The following PRKN variants were observed in gnomAD, a reference collection of about 807,000 sequenced individuals.
PRKN encodes the protein parkin RBR E3 ubiquitin protein ligase, also known as E3 ubiquitin-protein ligase parkin.
PRKN carries 56 observed loss-of-function variants against 59.5 expected under a neutral mutation model. The observed-to-expected ratio is 0.94, with a 90% CI of 0.76 to 1.18. The LOEUF (loss-of-function observed/expected upper bound fraction) is 1.18, where lower values mean the gene tolerates loss of function less well. Ranked by LOEUF, PRKN falls within the 50% of genes most tolerant of loss-of-function variation. The probability of loss-of-function intolerance (pLI) is 0.00; values close to 1 mark genes in which losing one functional copy is unlikely to be tolerated. For synonymous variants in PRKN, 250 were observed against 222.1 expected, an observed-to-expected ratio of 1.13 and a Z score of -1.12; for missense variants, 657 against 596.4, an observed-to-expected ratio of 1.10 and a Z score of -1.06.
chr6:161,988,244 T>C (rs951900853), intron 5 of PRKN, among the ~76,000 whole-genome samples: 4 of 152,264 alleles, frequency 2.6e-5, no homozygotes, highest in African/African-American at 9.6e-5. Context: ...GCCAGCACTT[T>C]GGGAGGCCGA....
chr6:162,677,141 T>TA (rs1779583322), intron 1 of PRKN, among the ~76,000 whole-genome samples: 1 of 147,378 alleles, frequency 6.8e-6, no homozygotes. Context: ...CTGGAGAACT[T>TA]AAAGACAACC....
At chr6:162,345,202 CT>C (rs1218136545) in intron 2 of PRKN, among the ~76,000 whole-genome samples, 7 of 152,174 alleles carry the variant, frequency 4.6e-5, no homozygotes, top group Non-Finnish European at 7.3e-5. Flanking sequence ...CTGTTCACTA[CT>C]GAGAAAACAT....
chr6:161,854,456 C>T (rs1424811972), intron 6 of PRKN, among the ~76,000 whole-genome samples: 1 of 152,052 alleles, frequency 6.6e-6, no homozygotes, highest in African/African-American at 2.4e-5. Context: ...TTTTTTCTGT[C>T]TATTCAACCC....
At chr6:162,008,926 A>G (rs1782369991) in intron 5 of PRKN, among the ~76,000 whole-genome samples, 1 of 151,160 alleles carries the variant, frequency 6.6e-6, no homozygotes, top group African/African-American at 2.5e-5. Context: ...ATGTGGGTTC[A>G]GGAGCAAAAT....
chr6:162,267,652 A>C (rs1780199255), intron 2 of PRKN, among the ~76,000 whole-genome samples: 2 of 152,188 alleles, frequency 1.3e-5, no homozygotes. Context: ...TTCAGTGTAG[A>C]CAAACCAAGT....
In PRKN at chr6:161,448,736, T is replaced by G. The variant is rs1480426126; in HGVS notation, c.1084-61859A>C. Among the ~76,000 whole-genome samples, 1 of 152,226 alleles carries G rather than the reference T, an allele frequency of 6.6e-6. No individual in the cohort carries two copies. The highest frequency in any genetic ancestry group is 1.5e-5 in the Non-Finnish European group (1 of 68,044). ...CATCTCTGGCTGGAAAGGCACTCCC[T>G]GCAGATCTGGGAAGCCATGAGCCAC... is the stretch of plus-strand genomic sequence containing the variant. On this transcript the variant is annotated intron_variant, in intron 9 of 11. Transcript: ENST00000366898. This position sits in a 1 kb window ranked among gnomAD's most constrained non-coding sequence, Gnocchi z 5.1.
At chr6:162,151,382 G>A (rs1782263403) in intron 4 of PRKN, among the ~76,000 whole-genome samples, 1 of 152,170 alleles carries the variant, frequency 6.6e-6, no homozygotes. Flanking sequence ...AGAAACATAT[G>A]ATTTAAACAT....
chr6:161,358,788 C>CTTTTTTT (rs34428983), intron 11 of PRKN, among the ~76,000 whole-genome samples: 36 of 67,820 alleles, frequency 5.3e-4, no homozygotes, highest in South Asian at 7.4e-4. Context: ...GCCTTCTGCT[C>CTTTTTTT]TTTTTTTTTT....
At chr6:162,454,203 AAATTATTGT>A (rs1296498194) in intron 1 of PRKN, among the ~76,000 whole-genome samples, 2 of 152,204 alleles carry the variant, frequency 1.3e-5, no homozygotes, top group Non-Finnish European at 2.9e-5. Context: ...TATAGTGTAA[AAATTATTGT>A]AATTATCACG....
chr6:161,392,520 T>G (rs1445946174), intron 9 of PRKN, among the ~76,000 whole-genome samples: 3 of 151,902 alleles, frequency 2.0e-5, no homozygotes, highest in Admixed American at 2.0e-4. Context: ...TCTCTCTCTC[T>G]CTCTCTCTCT....
chr6:161,637,331 C>T (rs1490502954), intron 7 of PRKN, among the ~76,000 whole-genome samples: 1 of 151,726 alleles, frequency 6.6e-6, no homozygotes, highest in Non-Finnish European at 1.5e-5. Flanking sequence ...CATTTCATTA[C>T]CATAAATAAA....
At chr6:162,230,388 C>T (rs963992397) in intron 3 of PRKN, among the ~76,000 whole-genome samples, 1 of 152,188 alleles carries the variant, frequency 6.6e-6, no homozygotes, top group African/African-American at 2.4e-5. Flanking sequence ...AAGAAGCACA[C>T]CCTCTTTGAA....
chr6:161,528,066 T>C (rs548303127), intron 9 of PRKN, among the ~76,000 whole-genome samples: 1 of 152,306 alleles, frequency 6.6e-6, no homozygotes, highest in Admixed American at 6.5e-5. Context: ...ACTTAACATA[T>C]ATTTGTGGGA....
intron 7 of PRKN, among the ~76,000 whole-genome samples, chr6:161,693,106 TAAAA>T (rs751499159): frequency 6.6e-6 from 1 of 152,006 alleles, no homozygotes; most frequent in East Asian, 1.9e-4. Context: ...TCTTTAGAAT[TAAAA>T]AAACACATAA....
chr6:162,205,920 A>G (rs956193119), intron 3 of PRKN, among the ~76,000 whole-genome samples: 2 of 152,176 alleles, frequency 1.3e-5, no homozygotes, highest in African/African-American at 4.8e-5. Flanking sequence ...AGAAGAGAAT[A>G]AAAACCACTG....
At chr6:162,405,865 T>C (rs1168609122) in intron 2 of PRKN, among the ~76,000 whole-genome samples, 2 of 152,068 alleles carry the variant, frequency 1.3e-5, no homozygotes, top group Non-Finnish European at 2.9e-5. Context: ...ACTCCAGACC[T>C]GGGAGAACAT....
At chr6:162,382,265 T>G (rs1033177420) in intron 2 of PRKN, among the ~76,000 whole-genome samples, 2 of 152,038 alleles carry the variant, frequency 1.3e-5, no homozygotes, top group Non-Finnish European at 2.9e-5. Context: ...AAGCAACTGT[T>G]AACTAGAAAT....
rs183675018 is a variant in PRKN at position 161,385,242 on chromosome 6, T to C, written c.1167+1552A>G. ...CTCGCCCGGCCGGGAAATATACTTT[T>C]CAATGCATTTTTCTAGAGAGTCTAG... On this transcript the variant is annotated intron_variant, in intron 10 of 11. Coordinates refer to ENST00000366898, the MANE Select transcript of PRKN (RefSeq NM_004562.3). This position sits in a 1 kb window ranked among gnomAD's most constrained non-coding sequence, Gnocchi z 4.9. Among the ~76,000 whole-genome samples the C allele has an allele frequency of 4.4e-3, 677 of 152,276 alleles. 7 individuals carry two copies. The highest frequency in any genetic ancestry group is 0.016 in the African/African-American group (652 of 41,558).
At chr6:162,197,680 GGAT>G (rs1432140688) in intron 4 of PRKN, among the ~76,000 whole-genome samples, 55 of 152,198 alleles carry the variant, frequency 3.6e-4, no homozygotes, top group African/African-American at 1.3e-3. Context: ...TAAAAACACT[GGAT>G]GAGAATTGGA....
Sources: gnomAD v4.1 joint callset for allele counts (sites outside exome capture counted in the v4.1 genomes callset) on GRCh38, gnomAD v4.1.1 for gene constraint, Gnocchi (gnomAD v3.1) non-coding constraint, MANE v1.5 for transcripts, NCBI Gene and HGNC (gene_info 2026-07-23, HGNC 2026-07-21) for gene names.